The following F10 variants were observed in gnomAD, a reference collection of about 807,000 sequenced individuals.
F10 encodes the protein coagulation factor X.
Under a neutral mutation model 37.1 loss-of-function variants are expected in F10, and 29 were observed. That is an observed-to-expected ratio of 0.78 (90% CI 0.58 to 1.07). F10 has a LOEUF of 1.07. Among genes scored for constraint, F10 ranks in the 50% least tolerant of loss-of-function variants. The pLI, the probability that F10 is intolerant of heterozygous loss-of-function variation, is 0.00. For synonymous variants in F10, 262 were observed against 268.6 expected (o/e 0.98, Z 0.24); for missense variants, 539 against 667.9 (o/e 0.81, Z 2.13).
intron 2 of F10, among the ~76,000 whole-genome samples, chr13:113,133,287 C>G (rs2036450124): frequency 6.6e-6 from 1 of 151,802 alleles, no homozygotes; most frequent in South Asian, 2.1e-4. Flanking sequence ...TGATGAAACT[C>G]AAACAAGACT....
Position 113,149,374 on chromosome 13 carries a change from G to A in F10, c.1324G>A (p.Gly442Ser). The A allele has an allele frequency of 1.3e-6, 2 of 1,555,932 alleles. No individual in the cohort carries two copies. The highest frequency in any genetic ancestry group is 8.7e-7 in the Non-Finnish European group (1 of 1,149,738). Reference sequence around the variant, plus strand: ...GACAGGCATCGTCAGCTGGGGAGAGGGCTGTGCCCGTAAGGGGAAGTACGG... The same window carrying A: ...GACAGGCATCGTCAGCTGGGGAGAGAGCTGTGCCCGTAAGGGGAAGTACGG... ...FVTGIVSWGE[G>S]CARKGKYGIY... The change falls in exon 8 of 8, where the codon GGC (glycine) becomes AGC (serine). Residue 442 changes from glycine (G) to serine (S), a missense_variant. By Grantham distance (56) the Gly-to-Ser change is moderately conservative. Around this residue, in one of 2 missense-constraint regions of F10, gnomAD observed 409 missense variants for 547.9 expected, o/e 0.75. Transcript: ENST00000375559. The surrounding 1 kb of genome is among the most constrained non-coding windows in gnomAD (Gnocchi z 7.5).
chr13:113,138,989 T>C (rs2036503313), intron 3 of F10, among the ~76,000 whole-genome samples: 2 of 152,318 alleles, frequency 1.3e-5, no homozygotes, highest in South Asian at 4.1e-4. Flanking sequence ...TGCCCCAGGA[T>C]GATTTGGAAA....
chr13:113,128,501 G>A (rs2036391664), intron 1 of F10: 1 of 152,138 alleles, frequency 6.6e-6, no homozygotes, highest in African/African-American at 2.4e-5. Flanking sequence ...TGTAGATGAA[G>A]ACTCATAGGT....
In F10 at chr13:113,129,436, C is replaced by T; in HGVS notation, c.71-16C>T. On this transcript the variant is annotated splice_polypyrimidine_tract_variant and intron_variant, in intron 1 of 7. Coordinates refer to ENST00000375559, the MANE Select transcript of F10 (RefSeq NM_000504.4). ...GGGTGACCAGAGCTTTTAACCCTGT[C>T]CTCCCTGCCTTCCAGTGTTCATCCG... The T allele has an allele frequency of 6.2e-7, 1 of 1,608,254 alleles. No individual in the cohort carries two copies. Among genetic ancestry groups the T allele is most frequent in the Non-Finnish European group, 8.5e-7 (1 of 1,177,254 alleles).
At position 113,148,942 on chromosome 13, in the gene F10, G is replaced by A. The variant is rs757034786; in HGVS notation, c.892G>A (p.Gly298Ser). The stretch of plus-strand genomic sequence containing the variant: ...GGACCGGAACACGGAGCAGGAGGAG[G>A]GCGGTGAGGCGGTGCACGAGGTGGA... Reference protein sequence around the residue: ...VGDRNTEQEEGGEAVHEVEVV... With the variant: ...VGDRNTEQEESGEAVHEVEVV... The change falls in exon 8 of 8, where the codon GGC becomes AGC. Residue 298 changes from glycine to serine, a missense_variant. This residue lies in a region of F10 where 409 missense variants were observed against 547.9 expected (regional missense o/e 0.75). Transcript: ENST00000375559. The A allele has an allele frequency of 1.9e-6, 3 of 1,613,444 alleles. No individual in the cohort carries two copies. The highest frequency in any genetic ancestry group is 2.2e-5 in the South Asian group (2 of 91,068).
At chr13:113,134,714 G>A (rs1595091149) in intron 2 of F10, among the ~76,000 whole-genome samples, 1 of 152,228 alleles carries the variant, frequency 6.6e-6, no homozygotes. Context: ...GTCAGCACAT[G>A]TGTTAATCAC....
At chr13:113,142,514 G>A (rs1194733249) in intron 5 of F10, among the ~76,000 whole-genome samples, 8 of 134,148 alleles carry the variant, frequency 6.0e-5, no homozygotes, top group African/African-American at 8.3e-5. Context: ...CCGAGATTGC[G>A]CCACTGCGCT....
At chr13:113,140,330 T>C (rs926457601) in intron 4 of F10, among the ~76,000 whole-genome samples, 2 of 152,012 alleles carry the variant, frequency 1.3e-5, no homozygotes, top group Non-Finnish European at 2.9e-5. Flanking sequence ...ATCCGCCCGC[T>C]TCGACCTCCC....
intron 2 of F10, among the ~76,000 whole-genome samples, chr13:113,134,952 A>G (rs916746472): frequency 1.6e-4 from 25 of 152,164 alleles, no homozygotes; most frequent in African/African-American, 6.0e-4. Context: ...TTAAGATATC[A>G]ATTTTCGGCC....
chr13:113,126,596 T>C (rs474810), intron 1 of F10, among the ~76,000 whole-genome samples: 21,178 of 151,926 alleles, frequency 0.14, 1,871 homozygotes, highest in African/African-American at 0.24. Flanking sequence ...GGCTCTAGGG[T>C]AGCAGAGAAA....
At chr13:113,124,429 C>T (rs990311679) in intron 1 of F10, among the ~76,000 whole-genome samples, 1 of 152,236 alleles carries the variant, frequency 6.6e-6, no homozygotes, top group Admixed American at 6.5e-5. Context: ...GGGCCTGGCT[C>T]ATAACCATGG....
Position 113,149,124 on chromosome 13 carries a change from G to T in F10, c.1074G>T (p.Thr358=). The T allele has an allele frequency of 6.2e-7, 1 of 1,613,030 alleles. No individual in the cohort carries two copies. Among genetic ancestry groups the T allele is most frequent in the South Asian group, 1.1e-5 (1 of 91,082 alleles). Residue 358 remains threonine (T), a synonymous_variant, in exon 8 of 8, where the codon ACG becomes ACT. Coordinates refer to ENST00000375559, the MANE Select transcript of F10 (RefSeq NM_000504.4). This position sits in a 1 kb window ranked among gnomAD's most constrained non-coding sequence, Gnocchi z 7.5. ...WAESTLMTQK[T]GIVSGFGRTH... ...AGTCCACGCTGATGACGCAGAAGAC[G>T]GGGATTGTGAGCGGCTTCGGGCGCA...
chr13:113,145,024 G>T (rs3211788), intron 6 of F10, among the ~76,000 whole-genome samples: 3 of 152,076 alleles, frequency 2.0e-5, no homozygotes, highest in Admixed American at 1.3e-4. Flanking sequence ...GACTACAGGC[G>T]CCTGCCACCA....
rs1475919657 is a variant in F10 at position 113,146,208 on chromosome 13, G to A, written c.748-1171G>A. Among the ~76,000 whole-genome samples the A allele has an allele frequency of 6.6e-6, 1 of 152,154 alleles. No homozygotes were observed. Among genetic ancestry groups the A allele is most frequent in the Admixed American group, 6.5e-5 (1 of 15,278 alleles). On this transcript the variant is annotated intron_variant, in intron 6 of 7. Transcript: ENST00000375559. The surrounding 1 kb of genome is among the most constrained non-coding windows in gnomAD (Gnocchi z 4.5). ...CACTGAGCCGGGTGCTGTGTAGGTG[G>A]GATATGAAACCATGAAGCCTCTCTG...
In F10 at chr13:113,148,899, C is replaced by T; in HGVS notation, c.866-17C>T. 6.2e-7 allele frequency: 1 copy of T among 1,611,826 alleles called. No individual in the cohort carries two copies. The highest frequency in any genetic ancestry group is 8.5e-7 in the Non-Finnish European group (1 of 1,178,706). ...GTCCCTGGCTGAGCTGAGCACAGTC[C>T]CACTCGTCTGTCCCAGGGGACCGGA... On this transcript the variant is annotated splice_polypyrimidine_tract_variant and intron_variant, in intron 7 of 7. Coordinates refer to ENST00000375559, the MANE Select transcript of F10 (RefSeq NM_000504.4).
intron 1 of F10, among the ~76,000 whole-genome samples, chr13:113,126,738 C>T (rs781192182): frequency 1.3e-5 from 2 of 152,248 alleles, no homozygotes; most frequent in African/African-American, 4.8e-5. Context: ...CAGACCCCAA[C>T]TGGAGCCCAG....
chr13:113,142,481 C>A (rs541394980), intron 5 of F10, among the ~76,000 whole-genome samples: 1 of 134,882 alleles, frequency 7.4e-6, no homozygotes, highest in Non-Finnish European at 1.6e-5. Context: ...ACCTGGAAGG[C>A]GGAGCTTGCA....
Position 113,143,060 on chromosome 13 carries a change from GCCT to G in F10, c.503-786_503-784del, listed in dbSNP as rs1254197230. On this transcript the variant is annotated intron_variant, in intron 5 of 7. Transcript: ENST00000375559. The surrounding 1 kb of genome is among the most constrained non-coding windows in gnomAD (Gnocchi z 6.8). ...CCCTGCGGCTGGCAGATTCACCGGAGCCTCCTCAGACTGCGCAGGAGCACAGCA... is the reference window on the plus strand; with the variant it reads ...CCCTGCGGCTGGCAGATTCACCGGAGCCTCAGACTGCGCAGGAGCACAGCA... Among the ~76,000 whole-genome samples, 1 of 152,102 alleles carries G rather than the reference GCCT, an allele frequency of 6.6e-6. No homozygotes were observed. Among genetic ancestry groups the G allele is most frequent in the African/African-American group, 2.4e-5 (1 of 41,416 alleles).
At chr13:113,130,078 C>A (rs906956793) in intron 2 of F10, 1 of 297,090 alleles carries the variant, frequency 3.4e-6, no homozygotes, top group Non-Finnish European at 6.4e-6. Context: ...CGCCAGGCCA[C>A]GAACCCAGTA....
Sources: allele counts gnomAD v4.1 joint callset (sites outside exome capture counted in the v4.1 genomes callset), GRCh38; gene constraint gnomAD v4.1.1; regional missense constraint gnomAD v4.1.1; non-coding constraint Gnocchi (gnomAD v3.1); transcripts MANE v1.5; gene names NCBI Gene and HGNC (gene_info 2026-07-23, HGNC 2026-07-21).